VPS54: variants seen among roughly 807,000 people sequenced by gnomAD.
VPS54 encodes the protein VPS54 subunit of GARP complex.
Under a neutral mutation model 121.5 loss-of-function variants are expected in VPS54, and 45 were observed. The ratio of observed to expected loss-of-function variants is 0.37; its 90% CI spans 0.29 to 0.47. The LOEUF is 0.47. Ranked by LOEUF, VPS54 falls within the 20% of genes least tolerant of loss-of-function variation. The probability of loss-of-function intolerance (pLI) is 0.99; values close to 1 mark genes in which losing one functional copy is unlikely to be tolerated. For missense variants in VPS54, 1,090 were observed against 1,131.4 expected (o/e 0.96, Z 0.52); for synonymous variants, 371 against 385.8 (o/e 0.96, Z 0.45).
chr2:64,013,632 AAATATATATC>A (rs1473109052), intron 1 of VPS54, among the ~76,000 whole-genome samples: 3 of 146,874 alleles, frequency 2.0e-5, no homozygotes, highest in South Asian at 2.1e-4. Context: ...ATTTATATAT[AAATATATATC>A]AATATATAGA....
At chr2:63,917,964 A>G (rs778932865) in intron 15 of VPS54, among the ~76,000 whole-genome samples, 1 of 152,052 alleles carries the variant, frequency 6.6e-6, no homozygotes, top group Non-Finnish European at 1.5e-5. Context: ...AATACTTAGA[A>G]CAAAACAGTG....
intron 1 of VPS54, among the ~76,000 whole-genome samples, chr2:63,990,820 A>C (rs190258622): frequency 9.2e-5 from 14 of 152,304 alleles, no homozygotes; most frequent in African/African-American, 3.4e-4. Context: ...GTCGTTATGT[A>C]CCTCTTAATC....
intron 20 of VPS54, among the ~76,000 whole-genome samples, chr2:63,910,780 C>T (rs1417202897): frequency 6.6e-6 from 1 of 152,180 alleles, no homozygotes; most frequent in Non-Finnish European, 1.5e-5. Context: ...AGTCTAGTCA[C>T]TGTGACAATT....
intron 1 of VPS54, among the ~76,000 whole-genome samples, chr2:64,006,586 T>C (rs549388340): frequency 5.3e-5 from 8 of 152,344 alleles, no homozygotes; most frequent in African/African-American, 1.9e-4. Context: ...ACTTGGTACA[T>C]AGTAGACATT....
At chr2:63,960,873 T>C (rs909554786) in intron 7 of VPS54, among the ~76,000 whole-genome samples, 2 of 152,142 alleles carry the variant, frequency 1.3e-5, no homozygotes, top group African/African-American at 4.8e-5. Context: ...TCACCCAAAA[T>C]TGATTGCAAA....
intron 3 of VPS54, 127 bp downstream of exon 3, chr2:63,981,519 A>C (rs1480750119): frequency 9.3e-7 from 1 of 1,077,430 alleles, no homozygotes; most frequent in African/African-American, 1.6e-5. Context: ...GGACAGTACA[A>C]TTTGTATGAA....
chr2:63,975,564 C>T (rs920703358), intron 3 of VPS54: 2 of 152,654 alleles, frequency 1.3e-5, no homozygotes, highest in African/African-American at 4.8e-5. Context: ...GATCAATAAA[C>T]TGCCTCATTT....
chr2:63,991,180 G>A (rs573334896), intron 1 of VPS54, among the ~76,000 whole-genome samples: 33 of 152,218 alleles, frequency 2.2e-4, no homozygotes, highest in Non-Finnish European at 3.5e-4. Context: ...TAAATTATGC[G>A]CCCCAGGCCA....
Position 63,933,960 on chromosome 2 carries a change from T to C in VPS54, c.1452A>G (p.Gln484=). The change falls in exon 12 of 23, where the codon CAA becomes CAG. Residue 484 remains glutamine (Q), a synonymous_variant. Transcript: ENST00000272322. The part of the protein sequence containing the change: ...SVVLSVLDKN[Q]RTRELEEISQ... ...AAATCTCTTCCAATTCTCTAGTCCT[T>C]TGGTTTTTGTCAAGAACTGAGAGAA... 1 of 1,613,598 alleles carries C rather than the reference T, an allele frequency of 6.2e-7. No homozygotes were observed. The highest frequency in any genetic ancestry group is 1.1e-5 in the South Asian group (1 of 91,070).
intron 4 of VPS54, 129 bp from the exon 5 acceptor site, chr2:63,969,120 A>G: frequency 2.8e-6 from 2 of 721,002 alleles, no homozygotes; most frequent in South Asian, 4.0e-5. Flanking sequence ...CCTTCAACAA[A>G]TTATCTATCA....
chr2:63,904,215 G>A lies in VPS54; in HGVS notation c.2626-4634C>T, dbSNP rs199708231. ...AGCACTTTGGAAGGCCGAGGTGGGC[G>A]GATCACTTGAGGTCAGGAATTGAGA... On this transcript the variant is annotated intron_variant, in intron 20 of 22. Transcript: ENST00000272322. 8.5e-5 allele frequency among the ~76,000 whole-genome samples: 13 copies of A among 152,072 alleles called. No homozygotes were observed. In the East Asian group the frequency reaches 1.5e-3, roughly 18 times the overall value.
chr2:63,976,804 T>C (rs1337226320), intron 3 of VPS54, among the ~76,000 whole-genome samples: 1 of 150,370 alleles, frequency 6.7e-6, no homozygotes, highest in Non-Finnish European at 1.5e-5. Flanking sequence ...TCATTTTTGA[T>C]ACTAGTAGCT....
At chr2:63,974,548 A>T (rs998010166) in intron 3 of VPS54, among the ~76,000 whole-genome samples, 2 of 152,204 alleles carry the variant, frequency 1.3e-5, no homozygotes, top group African/African-American at 4.8e-5. Flanking sequence ...ACACCTTGAC[A>T]ATATTGAGCC....
chr2:63,954,613 T>A (rs62136407), intron 7 of VPS54, among the ~76,000 whole-genome samples: 10,998 of 152,116 alleles, frequency 0.072, 795 homozygotes, highest in African/African-American at 0.19. Flanking sequence ...CAATTAATGA[T>A]AAATCTAGAC....
Position 63,913,315 on chromosome 2 carries a change from C to T in VPS54, c.2335-5G>A. On this transcript the variant is annotated splice_region_variant and splice_polypyrimidine_tract_variant and intron_variant, in intron 17 of 22. Coordinates refer to ENST00000272322, the MANE Select transcript of VPS54 (RefSeq NM_016516.3). ...GCAACTTCTTGAATTGAAGTACTAACAAAAGAAGGAGAAAAAAACCCCAAA... is the reference window on the plus strand; with the variant it reads ...GCAACTTCTTGAATTGAAGTACTAATAAAAGAAGGAGAAAAAAACCCCAAA... 6.2e-7 allele frequency: 1 copy of T among 1,604,160 alleles called. No homozygotes were observed. Among genetic ancestry groups the T allele is most frequent in the Non-Finnish European group, 8.5e-7 (1 of 1,176,276 alleles).
chr2:63,962,632 T>C (rs1412943068), intron 6 of VPS54, among the ~76,000 whole-genome samples, 189 bp from the exon 7 acceptor site: 3 of 152,170 alleles, frequency 2.0e-5, no homozygotes, highest in Admixed American at 6.5e-5. Flanking sequence ...ACCCCAAAGA[T>C]ATAAATGTAA....
At chr2:63,964,818 G>A (rs887276971) in intron 6 of VPS54, among the ~76,000 whole-genome samples, 1 of 152,142 alleles carries the variant, frequency 6.6e-6, no homozygotes, top group Non-Finnish European at 1.5e-5. Context: ...TATCACTAAA[G>A]TAAAACAAAA....
chr2:63,968,525 A>C (rs1676118038), intron 5 of VPS54, among the ~76,000 whole-genome samples: 1 of 152,100 alleles, frequency 6.6e-6, no homozygotes, highest in Non-Finnish European at 1.5e-5. Context: ...CAGCCCGGCC[A>C]ACACGGTGAA....
intron 11 of VPS54, 70 bp downstream of exon 11, chr2:63,942,395 T>G: frequency 1.9e-6 from 2 of 1,047,896 alleles, no homozygotes; most frequent in Non-Finnish European, 2.6e-6. Context: ...AGTCTTTATT[T>G]ACATATTATG....
Sources: allele counts gnomAD v4.1 joint callset (sites outside exome capture counted in the v4.1 genomes callset), GRCh38; gene constraint gnomAD v4.1.1; transcripts MANE v1.5; gene names NCBI Gene and HGNC (gene_info 2026-07-23, HGNC 2026-07-21).